CCSER1: variants seen among roughly 807,000 people sequenced by gnomAD.
The protein encoded by CCSER1 is serine-rich coiled-coil domain-containing protein 1.
CCSER1 carries 41 observed loss-of-function variants against 82.0 expected under a neutral mutation model. That is an observed-to-expected ratio of 0.50 (90% CI 0.39 to 0.65). The LOEUF (loss-of-function observed/expected upper bound fraction) is 0.65. Among genes scored for constraint, CCSER1 ranks in the 30% least tolerant of loss-of-function variants. The pLI, the probability that CCSER1 is intolerant of heterozygous loss-of-function variation, is 0.00. For synonymous variants in CCSER1, 414 were observed against 383.9 expected, an observed-to-expected ratio of 1.08 and a Z score of -0.92; for missense variants, 1,119 against 1,064.2, an observed-to-expected ratio of 1.05 and a Z score of -0.72.
intron 10 of CCSER1, among the ~76,000 whole-genome samples, chr4:91,097,967 A>G (rs1724671253): frequency 6.6e-6 from 1 of 152,200 alleles, no homozygotes; most frequent in Admixed American, 6.5e-5. Context: ...TTCTTTGCTG[A>G]AAACCATAAA....
chr4:91,212,426 C>A (rs1348497385), intron 10 of CCSER1, among the ~76,000 whole-genome samples: 4 of 151,970 alleles, frequency 2.6e-5, no homozygotes, highest in Non-Finnish European at 1.5e-5. Context: ...AGTGTTTCAG[C>A]TGCTAAGTGG....
At position 90,380,505 on chromosome 4, in the gene CCSER1, G is replaced by A. The variant is rs146440622; in HGVS notation, c.1510-19531G>A. On this transcript the variant is annotated intron_variant, in intron 3 of 10. Transcript: ENST00000509176. Reference sequence around the variant, plus strand: ...GATTGTTTGCTTATTCATTATGTACGGAAAGATACAATATTTAGCCTCGAC... The same window carrying A: ...GATTGTTTGCTTATTCATTATGTACAGAAAGATACAATATTTAGCCTCGAC... Among the ~76,000 whole-genome samples the A allele has an allele frequency of 3.4e-4, 52 of 152,064 alleles. 2 individuals carry two copies. The East Asian group carries it at 9.3e-3, about 27-fold the overall frequency.
intron 10 of CCSER1, among the ~76,000 whole-genome samples, chr4:91,511,949 C>G (rs1369949611): frequency 6.6e-6 from 1 of 152,276 alleles, no homozygotes; most frequent in South Asian, 2.1e-4. Context: ...GCCGTGAAAC[C>G]AGTACCTGGT....
At chr4:90,246,387 C>T (rs962071609) in intron 1 of CCSER1, among the ~76,000 whole-genome samples, 2 of 152,062 alleles carry the variant, frequency 1.3e-5, no homozygotes, top group Admixed American at 1.3e-4. Flanking sequence ...GCCTTGCTGA[C>T]TAAAATACAA....
intron 10 of CCSER1, among the ~76,000 whole-genome samples, chr4:91,348,778 G>A (rs568812538): frequency 6.6e-6 from 1 of 152,216 alleles, no homozygotes; most frequent in African/African-American, 2.4e-5. Context: ...TTAACATCCA[G>A]TGGTTCAGTA....
Position 91,579,135 on chromosome 4 carries a change from A to G in CCSER1, c.2218-19437A>G, listed in dbSNP as rs183874641. Among the ~76,000 whole-genome samples the G allele has an allele frequency of 3.9e-4, 59 of 151,312 alleles. 1 individual carries two copies. The highest frequency in any genetic ancestry group is 2.5e-4 in the Non-Finnish European group (17 of 67,716). ...TTATTATTATATTATTATTATTATTATTGTTTTTAAACCTTTCTTTCTGAG... is the reference window on the plus strand; with the variant it reads ...TTATTATTATATTATTATTATTATTGTTGTTTTTAAACCTTTCTTTCTGAG... On this transcript the variant is annotated intron_variant, in intron 10 of 10. Transcript: ENST00000509176.
chr4:90,920,050 C>T (rs1043233143), intron 8 of CCSER1, among the ~76,000 whole-genome samples: 2 of 151,772 alleles, frequency 1.3e-5, no homozygotes, highest in African/African-American at 4.8e-5. Flanking sequence ...CTTCACTATC[C>T]TTCTGAGAGA....
At chr4:91,354,950 G>A (rs1304570817) in intron 10 of CCSER1, among the ~76,000 whole-genome samples, 1 of 152,084 alleles carries the variant, frequency 6.6e-6, no homozygotes, top group East Asian at 1.9e-4. Flanking sequence ...ATTTCATTAG[G>A]ATGTTTACAC....
At chr4:91,262,833 C>T (rs1370822589) in intron 10 of CCSER1, among the ~76,000 whole-genome samples, 1 of 150,144 alleles carries the variant, frequency 6.7e-6, no homozygotes, top group Admixed American at 6.6e-5. Context: ...GTGATTTAAA[C>T]ATGAGGCTCT....
At chr4:90,594,709 T>A (rs1168921776) in intron 5 of CCSER1, among the ~76,000 whole-genome samples, 1 of 152,118 alleles carries the variant, frequency 6.6e-6, no homozygotes, top group East Asian at 1.9e-4. Context: ...TGTAGAGTTC[T>A]ACCAGCAGAA....
intron 10 of CCSER1, among the ~76,000 whole-genome samples, chr4:91,249,463 A>C (rs748621641): frequency 2.0e-5 from 3 of 152,084 alleles, no homozygotes; most frequent in Non-Finnish European, 4.4e-5. Context: ...CCATTCCTAG[A>C]AGGTTCACTT....
At chr4:91,343,654 G>C (rs1006576089) in intron 10 of CCSER1, among the ~76,000 whole-genome samples, 9 of 152,038 alleles carry the variant, frequency 5.9e-5, no homozygotes, top group African/African-American at 2.2e-4. Context: ...TGTTTCTTGA[G>C]ATAGAATTTT....
intron 10 of CCSER1, among the ~76,000 whole-genome samples, chr4:91,170,030 C>CT (rs1453968887): frequency 1.3e-5 from 2 of 152,120 alleles, no homozygotes; most frequent in Non-Finnish European, 2.9e-5. Flanking sequence ...GACCTGTGTC[C>CT]TTTTTGACTT....
chr4:90,648,319 AAG>A (rs1579700507), intron 6 of CCSER1, among the ~76,000 whole-genome samples: 2 of 151,674 alleles, frequency 1.3e-5, no homozygotes, highest in East Asian at 3.9e-4. Context: ...GAAAGAAAGA[AAG>A]AAAGAAAGAA....
chr4:90,521,087 T>C (rs1455641096), intron 5 of CCSER1, among the ~76,000 whole-genome samples: 3 of 152,186 alleles, frequency 2.0e-5, no homozygotes, highest in Admixed American at 6.5e-5. Flanking sequence ...TTTTATTAAA[T>C]TGAGGTTGAA....
chr4:90,258,468 C>G (rs190194836), intron 1 of CCSER1, among the ~76,000 whole-genome samples: 11 of 152,188 alleles, frequency 7.2e-5, no homozygotes, highest in Admixed American at 7.2e-4. Context: ...GCTGAGATCA[C>G]GCCACTGCAT....
intron 10 of CCSER1, among the ~76,000 whole-genome samples, chr4:91,411,441 C>T (rs936488538): frequency 1.5e-5 from 2 of 130,844 alleles, no homozygotes; most frequent in African/African-American, 2.9e-5. Flanking sequence ...ATACCACCTT[C>T]CAGATAAAAC....
intron 5 of CCSER1, among the ~76,000 whole-genome samples, chr4:90,550,559 AT>A (rs1283411746): frequency 6.6e-6 from 1 of 152,058 alleles, no homozygotes; most frequent in Non-Finnish European, 1.5e-5. Flanking sequence ...AAAATATATT[AT>A]TGAGGCAAAC....
chr4:90,968,387 T>C (rs991531919), intron 9 of CCSER1, among the ~76,000 whole-genome samples: 5 of 152,020 alleles, frequency 3.3e-5, no homozygotes, highest in Non-Finnish European at 7.4e-5. Context: ...AGGTGCTCCA[T>C]GTGTGCCCCC....
Sources: allele counts gnomAD v4.1 joint callset (sites outside exome capture counted in the v4.1 genomes callset), GRCh38; gene constraint gnomAD v4.1.1; transcripts MANE v1.5; gene names NCBI Gene and HGNC (gene_info 2026-07-23, HGNC 2026-07-21).